Variants in LVRN observed in about 807,000 individuals in gnomAD.
LVRN encodes the protein aminopeptidase Q.
A neutral mutation model predicts 111.4 loss-of-function variants in LVRN; 99 were observed. The observed-to-expected ratio is 0.89, with a 90% CI of 0.76 to 1.05. The LOEUF (loss-of-function observed/expected upper bound fraction) is 1.05, where lower values mean the gene tolerates loss of function less well. Ranked by LOEUF, LVRN falls within the 50% of genes least tolerant of loss-of-function variation. The pLI is 0.00. For synonymous variants in LVRN, 488 were observed against 449.5 expected (o/e 1.09, Z -1.08); for missense variants, 1,414 against 1,206.8 (o/e 1.17, Z -2.54).
intron 18 of LVRN, among the ~76,000 whole-genome samples, chr5:116,016,292 T>G (rs1330237121): frequency 6.6e-6 from 1 of 152,220 alleles, no homozygotes; most frequent in African/African-American, 2.4e-5. Context: ...GAATATTTAC[T>G]TAGTTCTTTA....
In LVRN at chr5:116,022,464, G is replaced by T; in HGVS notation, c.2830G>T (p.Glu944Ter). ...RTVTTDLQIVELQQFFSNMLE... is the reference protein window; with the variant it reads ...RTVTTDLQIV ...CGTAACTACAGATTTACAGATTGTG[G>T]AGGTAAGTACTTTAAATATTATGAA... is the stretch of plus-strand genomic sequence containing the variant. Residue 944 changes from glutamate to a stop codon, truncating the protein, a stop_gained and splice_region_variant, in exon 19 of 20, where the codon GAG (glutamate) becomes TAG (stop). Coordinates refer to ENST00000357872, the MANE Select transcript of LVRN (RefSeq NM_173800.5). LOFTEE classifies it high-confidence loss of function. The T allele has an allele frequency of 6.5e-7, 1 of 1,537,566 alleles. No individual in the cohort carries two copies. Among genetic ancestry groups the T allele is most frequent in the Non-Finnish European group, 8.9e-7 (1 of 1,127,406 alleles).
In LVRN at chr5:116,026,100, G is replaced by A. The variant is rs1228312357; in HGVS notation, c.2955G>A (p.Trp985Ter). ...NKKLSARIAA[W>*]LRRNT Reference sequence around the variant, plus strand: ...AGCTAAGTGCCAGGATAGCTGCGTGGCTAAGGAGAAACACATAGCTTGTGG... The same window carrying A: ...AGCTAAGTGCCAGGATAGCTGCGTGACTAAGGAGAAACACATAGCTTGTGG... Residue 985 changes from tryptophan (W) to a stop codon, truncating the protein, a stop_gained, in exon 20 of 20, where the codon TGG (tryptophan) becomes TGA (stop). Transcript: ENST00000357872. LOFTEE classifies it high-confidence loss of function. 1 of 1,613,794 alleles carries A rather than the reference G, an allele frequency of 6.2e-7. No individual in the cohort carries two copies. Among genetic ancestry groups the A allele is most frequent in the South Asian group, 1.1e-5 (1 of 91,068 alleles).
chr5:115,999,107 C>G (rs1238454713), intron 6 of LVRN, among the ~76,000 whole-genome samples: 1 of 152,278 alleles, frequency 6.6e-6, no homozygotes, highest in East Asian at 1.9e-4. Flanking sequence ...TGCTCTAGCT[C>G]TTCATCACAA....
chr5:116,005,296 C>G (rs1748336348), intron 12 of LVRN, among the ~76,000 whole-genome samples: 1 of 152,154 alleles, frequency 6.6e-6, no homozygotes, highest in African/African-American at 2.4e-5. Flanking sequence ...ATGTAGGAGG[C>G]CTTGGGCCCC....
At chr5:116,018,526 G>C (rs1307702604) in intron 18 of LVRN, among the ~76,000 whole-genome samples, 1 of 151,856 alleles carries the variant, frequency 6.6e-6, no homozygotes, top group Non-Finnish European at 1.5e-5. Flanking sequence ...TACAAAAGTA[G>C]CCAGGCATGG....
chr5:116,000,786 G>A (rs1436037941), intron 9 of LVRN, 128 bp downstream of exon 9: 1 of 1,012,048 alleles, frequency 9.9e-7, no homozygotes, highest in Non-Finnish European at 1.5e-6. Context: ...AACTCCCTTA[G>A]GTCATGGGTA....
intron 4 of LVRN, among the ~76,000 whole-genome samples, chr5:115,988,252 C>A (rs17404581): frequency 0.047 from 7,136 of 152,242 alleles, 186 homozygotes; most frequent in Non-Finnish European, 0.056. Context: ...CCTTTTCTCT[C>A]ATACTGCAAG....
At chr5:116,008,202 G>C (rs754563301) in intron 13 of LVRN, among the ~76,000 whole-genome samples, 1 of 152,106 alleles carries the variant, frequency 6.6e-6, no homozygotes, top group Non-Finnish European at 1.5e-5. Context: ...AAATCAGCCA[G>C]GTGTGGTGGT....
intron 1 of LVRN, among the ~76,000 whole-genome samples, chr5:115,973,173 A>G (rs554045874): frequency 6.6e-6 from 1 of 152,156 alleles, no homozygotes; most frequent in Non-Finnish European, 1.5e-5. Context: ...CAAGGAATCC[A>G]TCTCCCTTGG....
intron 19 of LVRN, among the ~76,000 whole-genome samples, chr5:116,025,588 C>G (rs1348176915): frequency 1.3e-5 from 2 of 152,062 alleles, no homozygotes. Flanking sequence ...TATTATGTAC[C>G]AATTTTGAGC....
chr5:115,987,651 A>T (rs544695672), intron 3 of LVRN, among the ~76,000 whole-genome samples, 162 bp from the exon 4 acceptor site: 1 of 152,286 alleles, frequency 6.6e-6, no homozygotes, highest in African/African-American at 2.4e-5. Context: ...AACAGCCTTC[A>T]GGGGTTTTCT....
intron 19 of LVRN, among the ~76,000 whole-genome samples, chr5:116,025,532 T>C (rs149616391): frequency 0.016 from 2,492 of 152,326 alleles, 86 homozygotes; most frequent in African/African-American, 0.057. Context: ...ACAAATTCAT[T>C]ATCTAAGTAT....
chr5:115,989,479 A>G (rs1747938461), intron 4 of LVRN, among the ~76,000 whole-genome samples: 1 of 151,992 alleles, frequency 6.6e-6, no homozygotes, highest in Non-Finnish European at 1.5e-5. Flanking sequence ...TCACACTTCC[A>G]CAGTATCCTG....
At position 116,002,850 on chromosome 5, in the gene LVRN, C is replaced by G; in HGVS notation, c.1836C>G (p.Val612=). The G allele has an allele frequency of 6.2e-7, 1 of 1,608,508 alleles. No individual in the cohort carries two copies. The highest frequency in any genetic ancestry group is 1.1e-5 in the South Asian group (1 of 90,564). Residue 612 remains valine, a synonymous_variant, in exon 11 of 20, where the codon GTC becomes GTG. Coordinates refer to ENST00000357872, the MANE Select transcript of LVRN (RefSeq NM_173800.5). ...TTCCAATAAGTGACACATGGATTGT[C>G]CCTATTCTTTGGATAAAAAATGGAA... ...TLLTSNDTWI[V]PILWIKNGTT...
intron 19 of LVRN, chr5:116,023,468 G>C (rs1177525048): frequency 6.6e-6 from 1 of 152,184 alleles, no homozygotes; most frequent in Non-Finnish European, 1.5e-5. Flanking sequence ...CCGAAAAAAA[G>C]CACTTTGATT....
chr5:116,000,005 T>G (rs1333983229), intron 7 of LVRN, 103 bp downstream of exon 7: 5 of 1,288,408 alleles, frequency 3.9e-6, no homozygotes, highest in African/African-American at 3.0e-5. Flanking sequence ...AAACATTTTA[T>G]GAAAATAACC....
chr5:115,990,425 T>C (rs951325923), intron 4 of LVRN, among the ~76,000 whole-genome samples: 1 of 152,234 alleles, frequency 6.6e-6, no homozygotes, highest in Non-Finnish European at 1.5e-5. Flanking sequence ...TGTTCACGTT[T>C]GGCTTTTTCT....
At chr5:115,972,630 A>G (rs1032949557) in intron 1 of LVRN, among the ~76,000 whole-genome samples, 1 of 152,002 alleles carries the variant, frequency 6.6e-6, no homozygotes, top group Non-Finnish European at 1.5e-5. Context: ...TACAACACTG[A>G]ATAGAAAAAG....
intron 11 of LVRN, 31 bp downstream of exon 11, chr5:116,002,942 A>C: frequency 6.8e-7 from 1 of 1,471,288 alleles, no homozygotes; most frequent in Non-Finnish European, 9.4e-7. Context: ...ACATCTTTAT[A>C]TATATGCATA....
Sources: allele counts gnomAD v4.1 joint callset (sites outside exome capture counted in the v4.1 genomes callset), GRCh38; gene constraint gnomAD v4.1.1; transcripts MANE v1.5; gene names NCBI Gene and HGNC (gene_info 2026-07-23, HGNC 2026-07-21).